ATXN7L2: variants seen among roughly 807,000 people sequenced by gnomAD.
The protein encoded by ATXN7L2 is ataxin 7 like 2.
In ATXN7L2, 17 loss-of-function variants were observed where a neutral mutation model predicts 59.6. The ratio of observed to expected loss-of-function variants is 0.29; its 90% confidence interval spans 0.20 to 0.43. ATXN7L2 has a LOEUF of 0.43. ATXN7L2 is among the 20% of genes least tolerant of loss of function. ATXN7L2 has a pLI of 1.00. For missense variants in ATXN7L2, 858 were observed against 1,008.9 expected, an observed-to-expected ratio of 0.85 and a Z score of 2.03; for synonymous variants, 378 against 392.5, an observed-to-expected ratio of 0.96 and a Z score of 0.44.
chr1:109,485,619 G>C (rs141123363), intron 1 of ATXN7L2: 1 of 986,338 alleles, frequency 1.0e-6, no homozygotes, highest in African/African-American at 1.7e-5. Context: ...CTCAAGAAGA[G>C]ACTCAGGGAC....
At position 109,486,592 on chromosome 1, in the gene ATXN7L2, G is replaced by A. The variant is rs764040744; in HGVS notation, c.280G>A (p.Ala94Thr). 1 of 1,614,054 alleles carries A rather than the reference G, an allele frequency of 6.2e-7. No individual in the cohort carries two copies. Among genetic ancestry groups the A allele is most frequent in the Non-Finnish European group, 8.5e-7 (1 of 1,179,916 alleles). Reference protein sequence around the residue: ...NHCSQVVKPQAFQKHCERRHG... With the variant: ...NHCSQVVKPQTFQKHCERRHG... ...CTGCAGCCAAGTGGTGAAGCCTCAA[G>A]CTTTCCAGAAGCACTGCGGTGAGGG... The change falls in exon 3 of 11, where the codon GCT becomes ACT. Residue 94 changes from alanine (A) to threonine (T), a missense_variant. By Grantham distance (58) the Ala-to-Thr change is moderately conservative. Around this residue, in one of 3 missense-constraint regions of ATXN7L2, gnomAD observed 29 missense variants for 64.0 expected, o/e 0.45. Coordinates refer to ENST00000683729, the MANE Select transcript of ATXN7L2 (RefSeq NM_001350175.2). This position sits in a 1 kb window ranked among gnomAD's most constrained non-coding sequence, Gnocchi z 4.3.
chr1:109,489,093 C>G lies in ATXN7L2; in HGVS notation c.1126C>G (p.Leu376Val), dbSNP rs1341780409. 1 of 1,613,552 alleles carries G rather than the reference C, an allele frequency of 6.2e-7. No individual in the cohort carries two copies. Residue 376 changes from leucine to valine, a missense_variant, in exon 7 of 11, where the codon CTG becomes GTG. Leu to Val is a conservative substitution (Grantham distance 32). Transcript: ENST00000683729. ...CAAGCAGACCTACCCATACTGTGCA[C>G]TGCCCAGGTACGTCTAGAATCCAAC... ...RAKQTYPYCA[L>V]PRSRASSESE...
In ATXN7L2 at chr1:109,488,961, C is replaced by T; in HGVS notation, c.994C>T (p.Pro332Ser). Residue 332 changes from proline to serine, a missense_variant, in exon 7 of 11, where the codon CCA becomes TCA. Around this residue, in one of 3 missense-constraint regions of ATXN7L2, gnomAD observed 734 missense variants for 862.3 expected, o/e 0.85. Coordinates refer to ENST00000683729, the MANE Select transcript of ATXN7L2 (RefSeq NM_001350175.2). This position sits in a 1 kb window ranked among gnomAD's most constrained non-coding sequence, Gnocchi z 5.0. ...AGGGGAGTCTCCCAAGGAGAAGAGC[C>T]CAGGGCGCAAGGAGCAAGTTCTCGA... is the stretch of plus-strand genomic sequence containing the variant. The part of the protein sequence containing the change: ...RKGESPKEKS[P>S]GRKEQVLERP... 1.9e-6 allele frequency: 3 copies of T among 1,614,174 alleles called. No individual in the cohort carries two copies. The highest frequency in any genetic ancestry group is 2.5e-6 in the Non-Finnish European group (3 of 1,180,018).
rs1164020396 is a variant in ATXN7L2 at position 109,490,265 on chromosome 1, C to T, written c.1333-6C>T. 2 of 1,613,550 alleles carry T rather than the reference C, an allele frequency of 1.2e-6. No homozygotes were observed. Among genetic ancestry groups the T allele is most frequent in the South Asian group, 2.2e-5 (2 of 91,056 alleles). Reference sequence around the variant, plus strand: ...TGCCAACCATGCACCTTCCTTCTGCCTTTAGTTCTGCACCTTTGGGAGCCG... The same window carrying T: ...TGCCAACCATGCACCTTCCTTCTGCTTTTAGTTCTGCACCTTTGGGAGCCG... On this transcript the variant is annotated splice_polypyrimidine_tract_variant and splice_region_variant and intron_variant, in intron 8 of 10. Coordinates refer to ENST00000683729, the MANE Select transcript of ATXN7L2 (RefSeq NM_001350175.2).
Position 109,489,978 on chromosome 1 carries a change from T to C in ATXN7L2, c.1182T>C (p.Gly394=). The C allele has an allele frequency of 6.2e-7, 1 of 1,613,196 alleles. No homozygotes were observed. ...AATTGGATGATGAAGGCCCCTGTGG[T>C]GGTGATGGGGACCCAGGCCTGTTCC... ...ESELDDEGPC[G]GDGDPGLFPF... Residue 394 remains glycine, a synonymous_variant, in exon 8 of 11, where the codon GGT becomes GGC. Transcript: ENST00000683729.
rs41279734 is a variant in ATXN7L2, at chr1:109,490,109, G to A, written c.1313G>A (p.Arg438Gln). 2.7e-5 allele frequency: 43 copies of A among 1,575,586 alleles called. No individual in the cohort carries two copies. The highest frequency in any genetic ancestry group is 1.6e-4 in the African/African-American group (12 of 73,916). ...CCCCCTGACTGCCATTATGCAACCCGGCCCCCACGGCCACAGGCGGTAAGG... is the reference window on the plus strand; with the variant it reads ...CCCCCTGACTGCCATTATGCAACCCAGCCCCCACGGCCACAGGCGGTAAGG... The part of the protein sequence containing the change: ...HPPPDCHYAT[R>Q]PPRPQAFCTF... Residue 438 changes from arginine (R) to glutamine (Q), a missense_variant, in exon 8 of 11, where the codon CGG becomes CAG. By Grantham distance (43) the Arg-to-Gln change is conservative. Coordinates refer to ENST00000683729, the MANE Select transcript of ATXN7L2 (RefSeq NM_001350175.2).
At chr1:109,492,739 G>T (rs867226916), downstream of ATXN7L2, 30 of 979,128 alleles carry the variant, frequency 3.1e-5, no homozygotes, top group Middle Eastern at 6.6e-4. Flanking sequence ...CCTCAAGACT[G>T]TCTCCCTGTT....
rs764050232 is a variant in ATXN7L2 at position 109,486,382 on chromosome 1, A to G, written c.194-124A>G. On this transcript the variant is annotated intron_variant, in intron 2 of 10. Transcript: ENST00000683729. The surrounding 1 kb of genome is among the most constrained non-coding windows in gnomAD (Gnocchi z 4.3). ...ACTCTGGAAGCTGGAAGCATTCAGC[A>G]TGGAGCTTGTTATATCAGCGGGGAG... 2.1e-5 allele frequency: 20 copies of G among 971,046 alleles called. No homozygotes were observed. The highest frequency in any genetic ancestry group is 2.7e-5 in the Non-Finnish European group (18 of 654,572). The allele number at this position is 971,046 out of a possible 1,614,324, so 60.2% of individuals were successfully genotyped here. A position where few individuals can be genotyped will look rare whatever the true frequency, so the allele number is the denominator to read the frequency against.
At chr1:109,489,472 C>T (rs1377311892) in intron 7 of ATXN7L2, 7 of 333,778 alleles carry the variant, frequency 2.1e-5, no homozygotes, top group African/African-American at 1.1e-4. Flanking sequence ...TGCCGGACCC[C>T]AGGGAGAGCC....
In ATXN7L2 at chr1:109,489,292, A is replaced by G. The variant is rs521166; in HGVS notation, c.1133+192A>G. ...CCCTGTTTCCAACCAGGCATACCAC[A>G]GCACCCCAGCCTCTCGGCAGTGTGC... is the stretch of plus-strand genomic sequence containing the variant. On this transcript the variant is annotated intron_variant, in intron 7 of 10. Transcript: ENST00000683729. 6,329 of 687,150 alleles carry G rather than the reference A, an allele frequency of 9.2e-3. 297 individuals are homozygous for G. In the African/African-American group the frequency reaches 0.1, roughly 11 times the overall value. 42.6% of individuals were successfully genotyped at this position (687,150 alleles called of 1,614,324 possible). A position where few individuals can be genotyped will look rare whatever the true frequency, so the allele number is the denominator to read the frequency against.
At chr1:109,484,239 G>C (rs537776582) in intron 1 of ATXN7L2, among the ~76,000 whole-genome samples, 159 bp downstream of exon 1, 1 of 151,100 alleles carries the variant, frequency 6.6e-6, no homozygotes, top group Non-Finnish European at 1.5e-5. Context: ...CGCCCGCTCC[G>C]TCACCTTCGC....
At chr1:109,492,461 G>C in intron 10 of ATXN7L2, 125 bp from the exon 11 acceptor site, 1 of 1,332,664 alleles carries the variant, frequency 7.5e-7, no homozygotes, top group African/African-American at 1.5e-5. Context: ...CCCTTGCTCA[G>C]TTTTACTCAC....
chr1:109,489,176 C>G, intron 7 of ATXN7L2, 76 bp downstream of exon 7: 1 of 1,526,086 alleles, frequency 6.6e-7, no homozygotes, highest in South Asian at 1.3e-5. Context: ...TGGAAACAGG[C>G]TCAGGGAGTG....
At chr1:109,484,439 C>G (rs1367869717) in intron 1 of ATXN7L2, among the ~76,000 whole-genome samples, 1 of 152,090 alleles carries the variant, frequency 6.6e-6, no homozygotes, top group Middle Eastern at 3.2e-3. Context: ...ACGTGTTTCC[C>G]ACGCACCCCA....
Position 109,487,740 on chromosome 1 carries a change from C to T in ATXN7L2, c.732C>T (p.Gly244=), listed in dbSNP as rs1656701645. The change falls in exon 5 of 11, where the codon GGC becomes GGT. Residue 244 remains glycine (G), a synonymous_variant. Transcript: ENST00000683729. ...AGGGGTCCAGTCACTGGGCTGAAGG[C>T]AGCCCTCCTGAAAAGGAGCCCAGTG... The part of the protein sequence containing the change: ...PSEGSSHWAE[G]SPPEKEPSGT... 2 of 1,612,706 alleles carry T rather than the reference C, an allele frequency of 1.2e-6. No individual in the cohort carries two copies. The highest frequency in any genetic ancestry group is 1.7e-6 in the Non-Finnish European group (2 of 1,179,386).
intron 1 of ATXN7L2, among the ~76,000 whole-genome samples, chr1:109,484,540 C>A (rs918380428): frequency 2.1e-4 from 32 of 150,682 alleles, no homozygotes; most frequent in African/African-American, 7.1e-4. Flanking sequence ...AGCTGCAGTG[C>A]TTTTAGACCC....
chr1:109,486,681 A>G lies in ATXN7L2; in HGVS notation c.298+71A>G, dbSNP rs1656604377. The G allele has an allele frequency of 7.4e-7, 1 of 1,350,866 alleles. No individual in the cohort carries two copies. Among genetic ancestry groups the G allele is most frequent in the Non-Finnish European group, 1.1e-6 (1 of 951,758 alleles). The allele number at this position is 1,350,866 out of a possible 1,614,324, so 83.7% of individuals were successfully genotyped here. On this transcript the variant is annotated intron_variant, in intron 3 of 10. Coordinates refer to ENST00000683729, the MANE Select transcript of ATXN7L2 (RefSeq NM_001350175.2). This position sits in a 1 kb window ranked among gnomAD's most constrained non-coding sequence, Gnocchi z 4.3. ...AGCATGGAACTCTGAGGACAGGGTC[A>G]GTTGGGAGGTCTCGTAGGGTAATGG...
chr1:109,491,058 C>G lies in ATXN7L2; in HGVS notation c.1591C>G (p.Pro531Ala), dbSNP rs1302137228. 1 of 1,613,502 alleles carries G rather than the reference C, an allele frequency of 6.2e-7. No homozygotes were observed. The highest frequency in any genetic ancestry group is 8.5e-7 in the Non-Finnish European group (1 of 1,179,972). ...TLRPACPASM[P>A]PTKDNLVPSY... ...GAGACCTGCCTGCCCAGCCTCCATG[C>G]CCCCCACCAAGGACAACCTTGTCCC... The change falls in exon 10 of 11, where the codon CCC becomes GCC. Residue 531 changes from proline to alanine, a missense_variant. This residue lies in a region of ATXN7L2 where 734 missense variants were observed against 862.3 expected (regional missense o/e 0.85). Coordinates refer to ENST00000683729, the MANE Select transcript of ATXN7L2 (RefSeq NM_001350175.2). The surrounding 1 kb of genome is among the most constrained non-coding windows in gnomAD (Gnocchi z 4.1).
chr1:109,486,077 A>T lies in ATXN7L2; in HGVS notation c.148A>T (p.Ser50Cys). 6.3e-7 allele frequency: 1 copy of T among 1,599,726 alleles called. No homozygotes were observed. Among genetic ancestry groups the T allele is most frequent in the South Asian group, 1.1e-5 (1 of 88,746 alleles). Residue 50 changes from serine to cysteine, a missense_variant, in exon 2 of 11, where the codon AGC (serine) becomes TGC (cysteine). By Grantham distance (112) the Ser-to-Cys change is moderately radical (BLOSUM62 -1). This residue lies in a region of ATXN7L2 where 95 missense variants were observed against 82.6 expected (regional missense o/e 1.15). Coordinates refer to ENST00000683729, the MANE Select transcript of ATXN7L2 (RefSeq NM_001350175.2). The surrounding 1 kb of genome is among the most constrained non-coding windows in gnomAD (Gnocchi z 4.3). ...TCTAGGGGCTGAGCTGGAGGAGAGT[A>T]GCAAAAACACGAAGAAGTTGGATGC... ...AADGAELEESSKNTKKLDAMT... is the reference protein window; with the variant it reads ...AADGAELEESCKNTKKLDAMT...
Sources: allele counts gnomAD v4.1 joint callset (sites outside exome capture counted in the v4.1 genomes callset), GRCh38; gene constraint gnomAD v4.1.1; regional missense constraint gnomAD v4.1.1; non-coding constraint Gnocchi (gnomAD v3.1); transcripts MANE v1.5; gene names NCBI Gene and HGNC (gene_info 2026-07-23, HGNC 2026-07-21).